The following INF2 variants were observed in gnomAD, a reference collection of about 807,000 sequenced individuals.
INF2 encodes the protein inverted formin-2.
In INF2, 43 loss-of-function variants were observed where a neutral mutation model predicts 123.5. The ratio of observed to expected loss-of-function variants is 0.35; its 90% CI spans 0.27 to 0.45. INF2 has a LOEUF of 0.45. Ranked by LOEUF, INF2 falls within the 20% of genes least tolerant of loss-of-function variation. The probability of loss-of-function intolerance (pLI) is 1.00; values close to 1 mark genes in which losing one functional copy is unlikely to be tolerated. For synonymous variants in INF2, 851 were observed against 745.0 expected, an observed-to-expected ratio of 1.14 and a Z score of -2.32; for missense variants, 1,453 against 1,682.7, an observed-to-expected ratio of 0.86 and a Z score of 2.39.
chr14:104,713,288 C>G lies in INF2; in HGVS notation c.2857C>G (p.Arg953Gly). 6.5e-7 allele frequency: 1 copy of G among 1,550,336 alleles called. No individual in the cohort carries two copies. The highest frequency in any genetic ancestry group is 8.7e-7 in the Non-Finnish European group (1 of 1,147,514). ...QLAEEEARRP[R>G]GEDGKPVRKG... Reference sequence around the variant, plus strand: ...GGCGGAGGAGGAGGCGCGGCGGCCTCGGGGAGAGGACGGGAAGCCTGGTGA... The same window carrying G: ...GGCGGAGGAGGAGGCGCGGCGGCCTGGGGGAGAGGACGGGAAGCCTGGTGA... The change falls in exon 19 of 23, where the codon CGG (arginine) becomes GGG (glycine). Residue 953 changes from arginine (R) to glycine (G), a missense_variant. By Grantham distance (125) the Arg-to-Gly change is moderately radical. Coordinates refer to ENST00000392634, the MANE Select transcript of INF2 (RefSeq NM_022489.4).
exon 1 of INF2, chr14:104,681,532 T>A (rs1264601724): frequency 8.5e-6 from 11 of 1,287,804 alleles, no homozygotes; most frequent in Admixed American, 2.3e-5. Context: ...AAACTCCACG[T>A]CTTATGAAAT....
chr14:104,681,179 T>G, exon 1 of INF2: 1 of 316,514 alleles, frequency 3.2e-6, no homozygotes, highest in South Asian at 2.7e-5. Context: ...GACTGGCATA[T>G]GCAGGAGGAA....
chr14:104,694,680 C>G (rs911341983), intron 1 of INF2, among the ~76,000 whole-genome samples: 4 of 152,222 alleles, frequency 2.6e-5, no homozygotes, highest in Admixed American at 1.3e-4. Context: ...AGCCGTCCCC[C>G]ACCCTGGGCC....
At chr14:104,689,081 G>A (rs1331460856), upstream of INF2, among the ~76,000 whole-genome samples, 1 of 152,228 alleles carries the variant, frequency 6.6e-6, no homozygotes, top group East Asian at 1.9e-4. Flanking sequence ...GGTGGAAGGG[G>A]GTCAGGCAGG....
At chr14:104,683,983 G>A in intron 1 of INF2, 1 of 453,846 alleles carries the variant, frequency 2.2e-6, no homozygotes, top group South Asian at 1.6e-5. Context: ...CACCTCCAGG[G>A]AGCCCATCTG....
chr14:104,683,238 G>T (rs1888573712), intron 1 of INF2, among the ~76,000 whole-genome samples: 1 of 152,146 alleles, frequency 6.6e-6, no homozygotes, highest in Admixed American at 6.5e-5. Context: ...GCACAGACTG[G>T]TTTGTAGAGT....
intron 10 of INF2, among the ~76,000 whole-genome samples, 194 bp downstream of exon 10, chr14:104,708,926 G>T (rs902090735): frequency 2.6e-5 from 4 of 152,146 alleles, no homozygotes; most frequent in African/African-American, 9.7e-5. Context: ...GGGACAGAGC[G>T]CTGGGACCTC....
intron 19 of INF2, 31 bp downstream of exon 19, chr14:104,713,340 G>T (rs1890145728): frequency 1.9e-6 from 3 of 1,552,284 alleles, no homozygotes; most frequent in African/African-American, 1.4e-5. Context: ...CGGGGAGGGG[G>T]TGACTCTGGG....
chr14:104,709,403 A>G lies in INF2; in HGVS notation c.2052+20A>G. On this transcript the variant is annotated intron_variant, in intron 11 of 22. Transcript: ENST00000392634. ...CACGAGGTAAGAGGACCACCCCCACACCCCACCCCCAGTTAGTGCCACCAA... is the reference window on the plus strand; with the variant it reads ...CACGAGGTAAGAGGACCACCCCCACGCCCCACCCCCAGTTAGTGCCACCAA... 1 of 1,575,070 alleles carries G rather than the reference A, an allele frequency of 6.3e-7. No homozygotes were observed. The highest frequency in any genetic ancestry group is 8.7e-7 in the Non-Finnish European group (1 of 1,146,188).
chr14:104,709,347 C>T lies in INF2; in HGVS notation c.2016C>T (p.Leu672=), dbSNP rs1210419538. The change falls in exon 11 of 23, where the codon CTC becomes CTT. Residue 672 remains leucine, a synonymous_variant. Transcript: ENST00000392634. Reference sequence around the variant, plus strand: ...CCACCAAGTTTGATGTGGAGGTTCTCAAACAACTCCTTAAGCTCCTTCCCG... The same window carrying T: ...CCACCAAGTTTGATGTGGAGGTTCTTAAACAACTCCTTAAGCTCCTTCCCG... ...GDTTKFDVEV[L]KQLLKLLPEK... is the part of the protein sequence containing the mutation. 2 of 1,613,100 alleles carry T rather than the reference C, an allele frequency of 1.2e-6. No homozygotes were observed. Among genetic ancestry groups the T allele is most frequent in the Admixed American group, 3.3e-5 (2 of 60,010 alleles).
intron 1 of INF2, among the ~76,000 whole-genome samples, chr14:104,682,794 A>T (rs541832069): frequency 1.3e-5 from 2 of 152,110 alleles, no homozygotes; most frequent in African/African-American, 4.8e-5. Flanking sequence ...AGCAGTGGCC[A>T]CTCCTAAAAT....
At position 104,699,225 on chromosome 14, in the gene INF2, C is replaced by T. The variant is rs1425292000; in HGVS notation, c.-9-2132C>T. On this transcript the variant is annotated intron_variant, in intron 1 of 22. Transcript: ENST00000392634. The surrounding 1 kb of genome is among the most constrained non-coding windows in gnomAD (Gnocchi z 4.7). ...CCGGGGCTCTTGGCTGGAGAGGACA[C>T]TCTGGATGCCAGGGGCCGGGCCTGG... Among the ~76,000 whole-genome samples, 2 of 152,104 alleles carry T rather than the reference C, an allele frequency of 1.3e-5. No individual in the cohort carries two copies. The highest frequency in any genetic ancestry group is 4.8e-5 in the African/African-American group (2 of 41,382).
chr14:104,683,403 A>G (rs1358115592), intron 1 of INF2, among the ~76,000 whole-genome samples: 1 of 96,660 alleles, frequency 1.0e-5, no homozygotes, highest in East Asian at 4.7e-4. Flanking sequence ...CAGGGGTGTC[A>G]AAGCAGAAGG....
intron 1 of INF2, among the ~76,000 whole-genome samples, chr14:104,691,784 T>C (rs1888966466): frequency 6.6e-6 from 1 of 152,054 alleles, no homozygotes; most frequent in African/African-American, 2.4e-5. Context: ...CCTGGCCCCC[T>C]GTTAGAGAGG....
rs140189917 is a variant in INF2, at chr14:104,705,989, G to A, written c.702-46G>A. ...ACCCAGGCTGCCCCGCCTGCGTGTT[G>A]GTGGTGGCAGCAGCAGGCTTAGCCC... is the stretch of plus-strand genomic sequence containing the variant. On this transcript the variant is annotated intron_variant, in intron 5 of 22. Transcript: ENST00000392634. 1.0e-4 allele frequency: 159 copies of A among 1,590,234 alleles called. 1 individual carries two copies. The Middle Eastern group carries it at 1.3e-3, about 13-fold the overall frequency.
intron 5 of INF2, 179 bp downstream of exon 5, chr14:104,704,128 TCACTGTCCCTGGCAGCTGCC>T: frequency 1.4e-6 from 2 of 1,462,190 alleles, no homozygotes; most frequent in Non-Finnish European, 1.8e-6. Context: ...AGAATCCAGC[TCACTGTCCCTGGCAGCTGCC>T]CACAGAAACT....
chr14:104,715,454 TG>T, intron 22 of INF2, 114 bp downstream of exon 22: 1 of 1,013,520 alleles, frequency 9.9e-7, no homozygotes, highest in Non-Finnish European at 1.6e-6. Context: ...CCAGCCCGCG[TG>T]GTGCGTCAGT....
intron 22 of INF2, among the ~76,000 whole-genome samples, chr14:104,716,936 C>T (rs1386243112): frequency 6.6e-6 from 1 of 152,224 alleles, no homozygotes; most frequent in African/African-American, 2.4e-5. Context: ...AGGTGATCCA[C>T]CCGCCTCGGC....
chr14:104,682,453 C>T (rs562858828), intron 1 of INF2, among the ~76,000 whole-genome samples: 8 of 152,320 alleles, frequency 5.3e-5, no homozygotes, highest in African/African-American at 1.9e-4. Context: ...GAGCAGGCAG[C>T]TGCCTGCAGT....
Sources: gnomAD v4.1 joint callset for allele counts (sites outside exome capture counted in the v4.1 genomes callset) on GRCh38, gnomAD v4.1.1 for gene constraint, Gnocchi (gnomAD v3.1) non-coding constraint, MANE v1.5 for transcripts, NCBI Gene and HGNC (gene_info 2026-07-23, HGNC 2026-07-21) for gene names.